The following ATF6 variants were observed in gnomAD, a reference collection of about 807,000 sequenced individuals.
The protein encoded by ATF6 is cyclic AMP-dependent transcription factor ATF-6 alpha.
ATF6 carries 53 observed loss-of-function variants against 83.6 expected under a neutral mutation model. The ratio of observed to expected loss-of-function variants is 0.63; its 90% CI spans 0.51 to 0.80. The LOEUF is 0.80. Ranked by LOEUF, ATF6 falls within the 30% of genes least tolerant of loss-of-function variation. ATF6 has a pLI of 0.00. For missense variants in ATF6, 744 were observed against 797.9 expected, an observed-to-expected ratio of 0.93 and a Z score of 0.81; for synonymous variants, 288 against 285.8, an observed-to-expected ratio of 1.01 and a Z score of -0.08.
chr1:161,879,594 C>T (rs1335786166), intron 14 of ATF6, among the ~76,000 whole-genome samples: 4 of 152,082 alleles, frequency 2.6e-5, no homozygotes, highest in East Asian at 3.9e-4. Flanking sequence ...GGAGACCTAA[C>T]AGCTAAGCTA....
chr1:161,795,560 C>G (rs945726645), intron 6 of ATF6, among the ~76,000 whole-genome samples: 5 of 152,120 alleles, frequency 3.3e-5, no homozygotes, highest in African/African-American at 1.2e-4. Context: ...AGTTTAAAAT[C>G]TTTGAAGAAA....
intron 14 of ATF6, among the ~76,000 whole-genome samples, chr1:161,869,411 G>T (rs1687076664): frequency 6.6e-6 from 1 of 151,612 alleles, no homozygotes; most frequent in African/African-American, 2.4e-5. Flanking sequence ...ACTTCAAAAG[G>T]GTACAGCTCC....
chr1:161,775,499 ACCTT>A (rs1304736891), intron 1 of ATF6, among the ~76,000 whole-genome samples: 2 of 151,966 alleles, frequency 1.3e-5, no homozygotes, highest in Admixed American at 1.3e-4. Flanking sequence ...CTACCTACCT[ACCTT>A]CCTTCCTTCC....
intron 1 of ATF6, among the ~76,000 whole-genome samples, chr1:161,766,875 T>G (rs536212344): frequency 8.9e-4 from 136 of 152,304 alleles, no homozygotes; most frequent in South Asian, 2.3e-3. Flanking sequence ...TACAAGAAAT[T>G]CTAATCTTAC....
Position 161,912,262 on chromosome 1 carries a change from T to C in ATF6, c.1720-34T>C, listed in dbSNP as rs777447508. The stretch of plus-strand genomic sequence containing the variant: ...GCCTGTTCTAGGACTAAGCCAATTG[T>C]TATATATAACAGATTGTTCTTTGTT... On this transcript the variant is annotated intron_variant, in intron 14 of 15. Transcript: ENST00000367942. The C allele has an allele frequency of 6.6e-6, 10 of 1,520,670 alleles. No homozygotes were observed. In the African/African-American group the frequency reaches 1.1e-4, roughly 17 times the overall value. The allele number at this position is 1,520,670 out of a possible 1,614,324, so 94.2% of individuals were successfully genotyped here. A position where few individuals can be genotyped will look rare whatever the true frequency, so the allele number is the denominator to read the frequency against.
In ATF6 at chr1:161,791,408, G is replaced by A; in HGVS notation, c.355G>A (p.Glu119Lys). Residue 119 changes from glutamate (E) to lysine (K), a missense_variant and splice_region_variant, in exon 5 of 16, where the codon GAG (glutamate) becomes AAG (lysine). Glu to Lys is a moderately conservative substitution (Grantham distance 56). Coordinates refer to ENST00000367942, the MANE Select transcript of ATF6 (RefSeq NM_007348.4). The stretch of plus-strand genomic sequence containing the variant: ...AATTTTTGTTTTTATTATGCTACAG[G>A]AGGAGTTGGATTTGTCTTCTAGTTC... Reference protein sequence around the residue: ...DSYSSTQHVPEELDLSSSSQM... With the variant: ...DSYSSTQHVPKELDLSSSSQM... The A allele has an allele frequency of 6.2e-7, 1 of 1,605,238 alleles. No homozygotes were observed. The highest frequency in any genetic ancestry group is 1.1e-5 in the South Asian group (1 of 89,674).
intron 9 of ATF6, among the ~76,000 whole-genome samples, chr1:161,845,954 A>C (rs976654425): frequency 3.3e-5 from 5 of 152,074 alleles, no homozygotes; most frequent in African/African-American, 1.2e-4. Context: ...AGTATTTAAA[A>C]AATTTTTTTT....
intron 9 of ATF6, among the ~76,000 whole-genome samples, chr1:161,842,607 G>A (rs192520199): frequency 6.6e-6 from 1 of 152,258 alleles, no homozygotes; most frequent in Admixed American, 6.5e-5. Context: ...AAGTAACTCA[G>A]GAATGGAAAA....
intron 14 of ATF6, among the ~76,000 whole-genome samples, chr1:161,874,461 T>C (rs1043758290): frequency 2.6e-5 from 4 of 151,662 alleles, no homozygotes; most frequent in Admixed American, 1.3e-4. Context: ...CTAAAATAAA[T>C]CTTGAAAAAT....
At chr1:161,889,327 T>C (rs545867377) in intron 14 of ATF6, among the ~76,000 whole-genome samples, 22 of 152,336 alleles carry the variant, frequency 1.4e-4, no homozygotes, top group African/African-American at 5.3e-4. Flanking sequence ...CAGTTTTCCA[T>C]GGGGTCCACT....
chr1:161,826,927 C>G (rs1571165620), intron 9 of ATF6, among the ~76,000 whole-genome samples: 3 of 121,220 alleles, frequency 2.5e-5, no homozygotes, highest in Non-Finnish European at 3.2e-5. Flanking sequence ...TTTTGATTGG[C>G]CCCATTTTTT....
At position 161,846,518 on chromosome 1, in the gene ATF6, A is replaced by T. The variant is rs1686490067; in HGVS notation, c.1257A>T (p.Leu419=). ...CTGCAAATCAAAGGAGGCACCTTCTAGGATTTTCTGCTAAAGAGGCACAGG... is the reference window on the plus strand; with the variant it reads ...CTGCAAATCAAAGGAGGCACCTTCTTGGATTTTCTGCTAAAGAGGCACAGG... ...VSPANQRRHL[L]GFSAKEAQDT... is the part of the protein sequence containing the mutation. Residue 419 remains leucine (L), a synonymous_variant, in exon 10 of 16, where the codon CTA becomes CTT. Transcript: ENST00000367942. The T allele has an allele frequency of 6.2e-7, 1 of 1,612,208 alleles. No homozygotes were observed. The highest frequency in any genetic ancestry group is 1.3e-5 in the African/African-American group (1 of 74,956).
In ATF6 at chr1:161,829,189, C is replaced by CTTTTTTTTTTTTTTTTT. The variant is rs35619050; in HGVS notation, c.1187+8037_1187+8053dup. 2.6e-4 allele frequency among the ~76,000 whole-genome samples: 19 copies of CTTTTTTTTTTTTTTTTT among 72,596 alleles called. 1 individual carries two copies. The highest frequency in any genetic ancestry group is 1.1e-3 in the South Asian group (2 of 1,882). 47.6% of individuals were successfully genotyped at this position (72,596 alleles called of 152,430 possible). On this transcript the variant is annotated intron_variant, in intron 9 of 15. Transcript: ENST00000367942. ...ACTCCCACACAATCATAATGGGAGA[C>CTTTTTTTTTTTTTTTTT]TTTTTTTTTTTTTTTTTTTTTTTTT...
At chr1:161,780,813 G>A (rs1000484904) in intron 2 of ATF6, among the ~76,000 whole-genome samples, 2 of 152,036 alleles carry the variant, frequency 1.3e-5, no homozygotes, top group African/African-American at 4.8e-5. Context: ...GGACTCAAGC[G>A]ATCTTCCCAC....
At chr1:161,933,816 T>G (rs1688481942) in intron 15 of ATF6, among the ~76,000 whole-genome samples, 1 of 152,212 alleles carries the variant, frequency 6.6e-6, no homozygotes, top group South Asian at 2.1e-4. Flanking sequence ...CAGCACAGTT[T>G]TTCTTGCTCC....
chr1:161,813,525 T>C (rs1685526634), intron 7 of ATF6, among the ~76,000 whole-genome samples: 1 of 152,230 alleles, frequency 6.6e-6, no homozygotes, highest in Non-Finnish European at 1.5e-5. Context: ...TTCTCTCTTA[T>C]ACTCAATCTC....
At chr1:161,915,813 G>A (rs973331233) in intron 15 of ATF6, among the ~76,000 whole-genome samples, 32 of 152,162 alleles carry the variant, frequency 2.1e-4, no homozygotes, top group African/African-American at 7.2e-4. Flanking sequence ...TGTAGAGACA[G>A]AGTCTCCCTA....
chr1:161,907,999 ACTTAC>A (rs1687910360), intron 14 of ATF6, among the ~76,000 whole-genome samples: 1 of 152,200 alleles, frequency 6.6e-6, no homozygotes, highest in African/African-American at 2.4e-5. Flanking sequence ...ACATTTTAAA[ACTTAC>A]CTTTATCTTT....
At chr1:161,921,981 T>C (rs1316393865) in intron 15 of ATF6, among the ~76,000 whole-genome samples, 1 of 113,472 alleles carries the variant, frequency 8.8e-6, no homozygotes, top group African/African-American at 3.4e-5. Context: ...GCCCTCTTTC[T>C]TTGCTTGTTT....
Sources: allele counts gnomAD v4.1 joint callset (sites outside exome capture counted in the v4.1 genomes callset), GRCh38; gene constraint gnomAD v4.1.1; transcripts MANE v1.5; gene names NCBI Gene and HGNC (gene_info 2026-07-23, HGNC 2026-07-21).